Variants in RAPGEF5 observed in about 807,000 individuals in gnomAD.
RAPGEF5 encodes the protein M-Ras-regulated GEF.
In RAPGEF5, 65 loss-of-function variants were observed where a neutral mutation model predicts 125.2. The observed-to-expected ratio is 0.52, with a 90% CI of 0.43 to 0.64. The LOEUF is 0.64. Ranked by LOEUF, RAPGEF5 falls within the 30% of genes least tolerant of loss-of-function variation. RAPGEF5 has a pLI of 0.00. For missense variants in RAPGEF5, 958 were observed against 1,048.1 expected, an observed-to-expected ratio of 0.91 and a Z score of 1.19; for synonymous variants, 391 against 385.9, an observed-to-expected ratio of 1.01 and a Z score of -0.16.
chr7:22,140,290 A>G (rs111749530), intron 20 of RAPGEF5, among the ~76,000 whole-genome samples, 175 bp from the exon 21 acceptor site: 202 of 152,286 alleles, frequency 1.3e-3, no homozygotes, highest in African/African-American at 4.5e-3. Flanking sequence ...AATGATTCCA[A>G]ACGCCTCAGC....
chr7:22,262,836 C>T (rs762805195), intron 7 of RAPGEF5, among the ~76,000 whole-genome samples: 1 of 152,190 alleles, frequency 6.6e-6, no homozygotes, highest in African/African-American at 2.4e-5. Flanking sequence ...TACTGGTGTG[C>T]ATCTGTAGTC....
intron 6 of RAPGEF5, among the ~76,000 whole-genome samples, chr7:22,287,294 A>C (rs1339335679): frequency 4.6e-5 from 7 of 152,208 alleles, no homozygotes; most frequent in Admixed American, 4.6e-4. Context: ...TTATAAAGAC[A>C]TTCTTATTTC....
intron 20 of RAPGEF5, among the ~76,000 whole-genome samples, chr7:22,144,530 G>C (rs1783365759): frequency 6.6e-6 from 1 of 152,208 alleles, no homozygotes; most frequent in Non-Finnish European, 1.5e-5. Flanking sequence ...GCTCATGGGA[G>C]GGACAGACAT....
intron 11 of RAPGEF5, among the ~76,000 whole-genome samples, chr7:22,185,940 C>G (rs1784812662): frequency 6.6e-6 from 1 of 152,080 alleles, no homozygotes; most frequent in Non-Finnish European, 1.5e-5. Flanking sequence ...CTGAAACCTC[C>G]CCCTCTAGCA....
In RAPGEF5 at chr7:22,154,444, AAAC is replaced by A; in HGVS notation, c.1786+8_1786+10del. On this transcript the variant is annotated splice_region_variant and intron_variant, in intron 17 of 25. Transcript: ENST00000665637. ...TGAAAGATTAATATTCAAGGGTAGA[AAAC>A]AACTTACCCCCAGAGAATGTGATGG... The A allele has an allele frequency of 1.2e-6, 2 of 1,613,084 alleles. No homozygotes were observed. The highest frequency in any genetic ancestry group is 2.2e-5 in the South Asian group (2 of 90,870).
intron 7 of RAPGEF5, among the ~76,000 whole-genome samples, chr7:22,238,777 C>T (rs989629824): frequency 6.6e-6 from 1 of 152,130 alleles, no homozygotes; most frequent in Non-Finnish European, 1.5e-5. Flanking sequence ...TTGGTCCTCT[C>T]CTTAATCAGA....
At chr7:22,224,423 T>C (rs767902771) in intron 8 of RAPGEF5, among the ~76,000 whole-genome samples, 1 of 152,200 alleles carries the variant, frequency 6.6e-6, no homozygotes, top group Non-Finnish European at 1.5e-5. Flanking sequence ...ATCTAGAAAA[T>C]TCATGTACGT....
intron 8 of RAPGEF5, 54 bp downstream of exon 8, chr7:22,230,792 A>G: frequency 6.8e-7 from 1 of 1,468,938 alleles, no homozygotes; most frequent in Non-Finnish European, 9.3e-7. Flanking sequence ...GCACTGTCTC[A>G]CCACCCTCAA....
At chr7:22,193,875 A>T in intron 10 of RAPGEF5, 40 bp downstream of exon 10, 1 of 1,612,312 alleles carries the variant, frequency 6.2e-7, no homozygotes, top group Non-Finnish European at 8.5e-7. Flanking sequence ...GGAAAAGGAA[A>T]CGGGAGCGCG....
intron 11 of RAPGEF5, among the ~76,000 whole-genome samples, chr7:22,181,664 C>T (rs1050762091): frequency 3.3e-5 from 5 of 152,082 alleles, no homozygotes; most frequent in African/African-American, 9.7e-5. Context: ...TTCTGTCACC[C>T]GTATTTAACA....
In RAPGEF5 at chr7:22,118,385, T is replaced by C. The variant is rs1782467082; in HGVS notation, c.*4021A>G. 6.6e-6 allele frequency: 1 copy of C among 152,644 alleles called. No individual in the cohort carries two copies. The highest frequency in any genetic ancestry group is 2.1e-4 in the South Asian group (1 of 4,828). 9.5% of individuals were successfully genotyped at this position (152,644 alleles called of 1,614,324 possible). On this transcript the variant is annotated 3_prime_UTR_variant, in exon 26 of 26. Transcript: ENST00000665637. Reference sequence around the variant, plus strand: ...TACAAGATAAGGTAAGGGTTACTTATATAAGTTTTAACCTTATATTGCTTG... The same window carrying C: ...TACAAGATAAGGTAAGGGTTACTTACATAAGTTTTAACCTTATATTGCTTG...
At chr7:22,231,427 C>G (rs978243729) in intron 7 of RAPGEF5, among the ~76,000 whole-genome samples, 1 of 152,154 alleles carries the variant, frequency 6.6e-6, no homozygotes, top group Non-Finnish European at 1.5e-5. Flanking sequence ...CCTATCCAAG[C>G]CCTTATCACC....
At chr7:22,335,708 CAA>C (rs1562534852) in intron 1 of RAPGEF5, among the ~76,000 whole-genome samples, 1 of 66,688 alleles carries the variant, frequency 1.5e-5, no homozygotes, top group Non-Finnish European at 3.4e-5. Context: ...AAAAAAACAA[CAA>C]AACAACAACA....
rs569023298 is a variant in RAPGEF5, at chr7:22,293,722, C to G, written c.681-2481G>C. Among the ~76,000 whole-genome samples the G allele has an allele frequency of 3.4e-3, 512 of 152,188 alleles. 1 individual carries two copies. Among genetic ancestry groups the G allele is most frequent in the Non-Finnish European group, 5.3e-3 (361 of 67,994 alleles). On this transcript the variant is annotated intron_variant, in intron 5 of 25. Transcript: ENST00000665637. ...CCGCTGCACCAGCACGCAACTGTCCCTCACCTGGTGTAAAGGAAGGTCATG... is the reference window on the plus strand; with the variant it reads ...CCGCTGCACCAGCACGCAACTGTCCGTCACCTGGTGTAAAGGAAGGTCATG...
intron 6 of RAPGEF5, among the ~76,000 whole-genome samples, chr7:22,276,959 T>C (rs1277281356): frequency 6.6e-6 from 1 of 152,196 alleles, no homozygotes; most frequent in African/African-American, 2.4e-5. Context: ...TAATATTGCA[T>C]ATGTTTAAGC....
At chr7:22,337,049 G>A (rs1784039955) in intron 1 of RAPGEF5, among the ~76,000 whole-genome samples, 1 of 152,218 alleles carries the variant, frequency 6.6e-6, no homozygotes, top group Admixed American at 6.5e-5. Flanking sequence ...GAGCCGAATT[G>A]TCAAGACAGG....
chr7:22,318,053 A>G lies in RAPGEF5; in HGVS notation c.232-16T>C, dbSNP rs1202990902. ...TTGATAGAGTCTATTTTAAACAAAG[A>G]AAAAAAAAATAGTTAGAACCAAATA... On this transcript the variant is annotated splice_polypyrimidine_tract_variant and intron_variant, in intron 1 of 25. Transcript: ENST00000665637. 2.2e-6 allele frequency: 3 copies of G among 1,343,564 alleles called. No individual in the cohort carries two copies. The highest frequency in any genetic ancestry group is 2.9e-6 in the Non-Finnish European group (3 of 1,029,826). The allele number at this position is 1,343,564 out of a possible 1,614,324, so 83.2% of individuals were successfully genotyped here.
intron 16 of RAPGEF5, among the ~76,000 whole-genome samples, chr7:22,156,571 T>C (rs1386365559): frequency 6.6e-6 from 1 of 152,252 alleles, no homozygotes; most frequent in African/African-American, 2.4e-5. Flanking sequence ...CTAGGCATTG[T>C]CTCCTTTCCT....
At chr7:22,136,430 T>C (rs575514541) in intron 22 of RAPGEF5, among the ~76,000 whole-genome samples, 149 of 152,218 alleles carry the variant, frequency 9.8e-4, no homozygotes, top group South Asian at 2.5e-3. Flanking sequence ...CTCTGCATAA[T>C]TTATATCATG....
Sources: allele counts gnomAD v4.1 joint callset (sites outside exome capture counted in the v4.1 genomes callset), GRCh38; gene constraint gnomAD v4.1.1; transcripts MANE v1.5; gene names NCBI Gene and HGNC (gene_info 2026-07-23, HGNC 2026-07-21).